The following MSI2 variants were observed in gnomAD, a reference collection of about 807,000 sequenced individuals.
MSI2 encodes RNA-binding protein Musashi homolog 2.
A neutral mutation model predicts 45.6 loss-of-function variants in MSI2; 17 were observed. That is an observed-to-expected ratio of 0.37 (90% CI 0.26 to 0.56). MSI2 has a LOEUF of 0.56. MSI2 is among the 20% of genes least tolerant of loss of function. The pLI, the probability that MSI2 is intolerant of heterozygous loss-of-function variation, is 0.77. For synonymous variants in MSI2, 156 were observed against 158.2 expected (o/e 0.99, Z 0.11); for missense variants, 293 against 444.2 (o/e 0.66, Z 3.06).
At chr17:57,377,555 AC>A (rs1176697317) in intron 5 of MSI2, among the ~76,000 whole-genome samples, 5 of 152,146 alleles carry the variant, frequency 3.3e-5, no homozygotes, top group African/African-American at 1.2e-4. Context: ...CTTCTCAGTG[AC>A]CTGCCCTATG....
chr17:57,373,428 TA>T (rs2083449457), intron 5 of MSI2, among the ~76,000 whole-genome samples: 1 of 152,224 alleles, frequency 6.6e-6, no homozygotes, highest in South Asian at 2.1e-4. Context: ...GATATTGATC[TA>T]TTTTTTAAAA....
chr17:57,677,431 A>C (rs567195803), intron 13 of MSI2, among the ~76,000 whole-genome samples: 20 of 152,290 alleles, frequency 1.3e-4, no homozygotes, highest in Non-Finnish European at 1.0e-4. Flanking sequence ...GAGGCAGGGA[A>C]GCATTGGGCT....
intron 6 of MSI2, among the ~76,000 whole-genome samples, chr17:57,414,474 C>G (rs2084256459): frequency 6.6e-6 from 1 of 151,978 alleles, no homozygotes; most frequent in South Asian, 2.1e-4. Context: ...ACTGCAGCCT[C>G]TGCCTCCTGG....
chr17:57,414,180 G>C (rs1050957433), intron 6 of MSI2, among the ~76,000 whole-genome samples: 1 of 152,224 alleles, frequency 6.6e-6, no homozygotes, highest in Non-Finnish European at 1.5e-5. Flanking sequence ...TTATCAAGAA[G>C]TCAGATATGT....
chr17:57,627,366 T>C lies in MSI2; in HGVS notation c.727+63T>C. 1 of 1,395,294 alleles carries C rather than the reference T, an allele frequency of 7.2e-7. No homozygotes were observed. The highest frequency in any genetic ancestry group is 2.3e-5 in the East Asian group (1 of 43,870). 86.4% of individuals were successfully genotyped at this position (1,395,294 alleles called of 1,614,324 possible). A position where few individuals can be genotyped will look rare whatever the true frequency, so the allele number is the denominator to read the frequency against. ...GAGGTGGGCTGCATTTGCGGGGAGG[T>C]GAGAGGACCCCTAAAGAGAATGCAT... On this transcript the variant is annotated intron_variant, in intron 10 of 13. Coordinates refer to ENST00000284073, the MANE Select transcript of MSI2 (RefSeq NM_138962.4). This position sits in a 1 kb window ranked among gnomAD's most constrained non-coding sequence, Gnocchi z 4.6.
chr17:57,316,751 A>G (rs930734316), intron 5 of MSI2, among the ~76,000 whole-genome samples: 19 of 152,052 alleles, frequency 1.2e-4, no homozygotes, highest in African/African-American at 4.6e-4. Context: ...TCGCATGGAT[A>G]TATTTGGGAG....
At chr17:57,593,230 G>A (rs1904992212) in intron 7 of MSI2, among the ~76,000 whole-genome samples, 1 of 152,182 alleles carries the variant, frequency 6.6e-6, no homozygotes, top group East Asian at 1.9e-4. Flanking sequence ...GCCCCCCTGT[G>A]TGGGATATGG....
At chr17:57,550,723 G>A (rs2087283927) in intron 7 of MSI2, among the ~76,000 whole-genome samples, 1 of 152,136 alleles carries the variant, frequency 6.6e-6, no homozygotes, top group South Asian at 2.1e-4. Flanking sequence ...TTTCAGCCTG[G>A]GGAAGAGTCG....
At chr17:57,700,037 A>G in the MSI2 span, among the ~76,000 whole-genome samples, 1 of 152,284 alleles carries the variant, frequency 6.6e-6, no homozygotes, top group Admixed American at 6.5e-5. Context: ...AAGCCCAGAT[A>G]GATGGGAGTG....
chr17:57,424,799 T>TGATGACTCCAGG (rs2084461804), intron 6 of MSI2, among the ~76,000 whole-genome samples: 1 of 152,142 alleles, frequency 6.6e-6, no homozygotes, highest in South Asian at 2.1e-4. Flanking sequence ...GGCAGGGGTC[T>TGATGACTCCAGG]GATGACTCCA....
intron 6 of MSI2, among the ~76,000 whole-genome samples, chr17:57,512,629 A>G (rs2086378927): frequency 6.6e-6 from 1 of 152,214 alleles, no homozygotes; most frequent in Non-Finnish European, 1.5e-5. Flanking sequence ...TGTCGGCACA[A>G]GCCTGTCTGT....
At chr17:57,636,838 G>T (rs1363330758) in intron 10 of MSI2, among the ~76,000 whole-genome samples, 2 of 152,206 alleles carry the variant, frequency 1.3e-5, no homozygotes, top group Non-Finnish European at 2.9e-5. Context: ...AGCGAGCAAT[G>T]GCTGGTTTCT....
the MSI2 span, among the ~76,000 whole-genome samples, chr17:57,697,968 ACTCC>A: frequency 4.0e-5 from 6 of 150,632 alleles, no homozygotes; most frequent in Non-Finnish European, 8.9e-5. Flanking sequence ...CCATGCCTTC[ACTCC>A]CTCCCTCACT....
intron 11 of MSI2, among the ~76,000 whole-genome samples, chr17:57,673,975 A>T (rs1913018423): frequency 6.6e-6 from 1 of 151,892 alleles, no homozygotes; most frequent in South Asian, 2.1e-4. Context: ...AAAGGAAAAA[A>T]AGTTTAAATC....
intron 6 of MSI2, among the ~76,000 whole-genome samples, chr17:57,507,114 C>A (rs955433463): frequency 6.6e-6 from 1 of 151,506 alleles, no homozygotes; most frequent in Non-Finnish European, 1.5e-5. Context: ...TTTATTTTAC[C>A]TCCAAGATTT....
At chr17:57,624,791 C>T (rs1209088650) in intron 9 of MSI2, among the ~76,000 whole-genome samples, 1 of 152,170 alleles carries the variant, frequency 6.6e-6, no homozygotes, top group Non-Finnish European at 1.5e-5. Context: ...AGAATTTGGG[C>T]ACGTCACTGT....
At chr17:57,437,408 G>C (rs1157899283) in intron 6 of MSI2, among the ~76,000 whole-genome samples, 3 of 152,166 alleles carry the variant, frequency 2.0e-5, no homozygotes, top group Non-Finnish European at 4.4e-5. Context: ...GTCAGAACTC[G>C]AATTCCAATT....
chr17:57,474,252 A>G (rs544002830), intron 6 of MSI2, among the ~76,000 whole-genome samples: 30 of 152,208 alleles, frequency 2.0e-4, no homozygotes, highest in African/African-American at 7.2e-4. Context: ...TCAGCATCTC[A>G]TTTAATCCTT....
intron 11 of MSI2, among the ~76,000 whole-genome samples, chr17:57,663,576 C>A (rs1216015741): frequency 6.6e-6 from 1 of 152,132 alleles, no homozygotes; most frequent in Non-Finnish European, 1.5e-5. Flanking sequence ...GAGTCCGGGT[C>A]CGTCACTGAC....
Sources: gnomAD v4.1 joint callset for allele counts (sites outside exome capture counted in the v4.1 genomes callset) on GRCh38, gnomAD v4.1.1 for gene constraint, Gnocchi (gnomAD v3.1) non-coding constraint, MANE v1.5 for transcripts, NCBI Gene and HGNC (gene_info 2026-07-23, HGNC 2026-07-21) for gene names.